STPG2: variants seen among roughly 807,000 people sequenced by gnomAD.
STPG2 encodes the protein sperm tail PG-rich repeat containing 2.
In STPG2, 56 loss-of-function variants were observed where a neutral mutation model predicts 54.2. The ratio of observed to expected loss-of-function variants is 1.03; its 90% CI spans 0.83 to 1.29. The LOEUF (loss-of-function observed/expected upper bound fraction) is 1.29. Ranked by LOEUF, STPG2 falls within the 50% of genes most tolerant of loss-of-function variation. STPG2 has a pLI of 0.00. For missense variants in STPG2, 596 were observed against 544.9 expected (o/e 1.09, Z -0.93); for synonymous variants, 200 against 181.8 (o/e 1.10, Z -0.81).
intron 4 of STPG2, among the ~76,000 whole-genome samples, chr4:97,487,391 T>C (rs929938000): frequency 1.3e-5 from 2 of 151,554 alleles, no homozygotes; most frequent in South Asian, 2.1e-4. Flanking sequence ...TTCAATCAAA[T>C]TGAACCTTTA....
chr4:98,112,134 A>G lies in STPG2; in HGVS notation c.388-2829T>C, dbSNP rs192612279. Among the ~76,000 whole-genome samples the G allele has an allele frequency of 4.2e-3, 644 of 152,224 alleles. 3 individuals carry two copies. The highest frequency in any genetic ancestry group is 0.025 in the South Asian group (120 of 4,822). On this transcript the variant is annotated intron_variant, in intron 3 of 10. Coordinates refer to ENST00000295268, the MANE Select transcript of STPG2 (RefSeq NM_174952.3). ...TCCCAGAATAAACCCCATCTCACAT[A>G]TATAGTTATGTACCACATAATGATG...
intron 9 of STPG2, among the ~76,000 whole-genome samples, chr4:97,768,571 T>C (rs931676078): frequency 6.6e-6 from 1 of 152,228 alleles, no homozygotes; most frequent in African/African-American, 2.4e-5. Context: ...TGCTTCTCCA[T>C]GTTCAAAACT....
intron 4 of STPG2, among the ~76,000 whole-genome samples, chr4:97,513,994 T>G (rs1731025773): frequency 6.6e-6 from 1 of 152,116 alleles, no homozygotes; most frequent in African/African-American, 2.4e-5. Flanking sequence ...AAACAATGCT[T>G]CAAAAACATG....
intron 8 of STPG2, among the ~76,000 whole-genome samples, chr4:97,902,766 C>T (rs190261146): frequency 6.6e-6 from 1 of 152,116 alleles, no homozygotes; most frequent in Non-Finnish European, 1.5e-5. Context: ...AATAGAACTA[C>T]TGTATGATCC....
chr4:98,025,026 A>G (rs1177591012), intron 5 of STPG2, among the ~76,000 whole-genome samples: 1 of 152,140 alleles, frequency 6.6e-6, no homozygotes, highest in Non-Finnish European at 1.5e-5. Context: ...AATTACCCCC[A>G]TCTGTATTCC....
intron 3 of STPG2, among the ~76,000 whole-genome samples, chr4:98,122,551 G>A (rs1203691679): frequency 6.6e-6 from 1 of 152,124 alleles, no homozygotes; most frequent in Non-Finnish European, 1.5e-5. Context: ...TGGTGGATAA[G>A]CTTTTTGATG....
chr4:97,523,638 C>T (rs1482770831), intron 4 of STPG2, among the ~76,000 whole-genome samples: 1 of 151,852 alleles, frequency 6.6e-6, no homozygotes, highest in African/African-American at 2.4e-5. Context: ...CTTGATTTTC[C>T]ACCAGATTCC....
intron 4 of STPG2, among the ~76,000 whole-genome samples, chr4:97,514,999 A>T (rs1334004581): frequency 1.3e-5 from 2 of 152,122 alleles, no homozygotes; most frequent in Non-Finnish European, 2.9e-5. Context: ...AATCAAGCTA[A>T]ATTCAAAATA....
intron 10 of STPG2, among the ~76,000 whole-genome samples, chr4:97,562,348 A>C (rs961798199): frequency 5.3e-5 from 8 of 152,238 alleles, no homozygotes; most frequent in South Asian, 2.1e-4. Flanking sequence ...TGGGCTGAGA[A>C]AATGGGGTTT....
chr4:97,938,352 CT>C (rs1335792020), intron 8 of STPG2, among the ~76,000 whole-genome samples: 1 of 152,154 alleles, frequency 6.6e-6, no homozygotes, highest in African/African-American at 2.4e-5. Context: ...CATCCCTCCC[CT>C]GGGAAGCTGA....
At chr4:97,509,590 G>A (rs1730927127) in intron 4 of STPG2, among the ~76,000 whole-genome samples, 1 of 151,954 alleles carries the variant, frequency 6.6e-6, no homozygotes, top group African/African-American at 2.4e-5. Context: ...TAAAAACAAA[G>A]CCTTTTTTTA....
chr4:97,549,310 A>G (rs1355935949), intron 4 of STPG2, among the ~76,000 whole-genome samples: 3 of 152,240 alleles, frequency 2.0e-5, no homozygotes, highest in African/African-American at 4.8e-5. Context: ...TTAAAACTAA[A>G]TGAGTGTTTA....
intron 10 of STPG2, among the ~76,000 whole-genome samples, chr4:97,689,411 TACTC>T (rs1723295236): frequency 2.6e-5 from 4 of 152,082 alleles, no homozygotes. Context: ...CTCTCTCTCT[TACTC>T]TCTCTTAACA....
intron 4 of STPG2, among the ~76,000 whole-genome samples, chr4:97,493,051 G>T (rs148578320): frequency 6.7e-6 from 1 of 150,220 alleles, no homozygotes; most frequent in Non-Finnish European, 1.5e-5. Flanking sequence ...GAAAACATCC[G>T]TTTTTCAGTT....
At chr4:97,901,835 A>G (rs1165947826) in intron 8 of STPG2, among the ~76,000 whole-genome samples, 1 of 152,068 alleles carries the variant, frequency 6.6e-6, no homozygotes, top group Non-Finnish European at 1.5e-5. Flanking sequence ...TGGAGCCACA[A>G]AAGACTCCAA....
chr4:97,577,821 TAACTA>T (rs1455579839), intron 10 of STPG2, among the ~76,000 whole-genome samples: 3 of 152,164 alleles, frequency 2.0e-5, no homozygotes, highest in African/African-American at 7.2e-5. Context: ...ATAAAGTACT[TAACTA>T]AACTATTTTA....
At chr4:97,610,690 A>AGCC (rs1733708551) in intron 10 of STPG2, among the ~76,000 whole-genome samples, 1 of 152,056 alleles carries the variant, frequency 6.6e-6, no homozygotes, top group Non-Finnish European at 1.5e-5. Flanking sequence ...TAAGTAGCAG[A>AGCC]GCCTTTTAGT....
intron 7 of STPG2, among the ~76,000 whole-genome samples, chr4:97,954,947 A>T (rs969811070): frequency 2.0e-5 from 3 of 152,206 alleles, no homozygotes; most frequent in African/African-American, 7.2e-5. Context: ...TTTTAAAACT[A>T]TGATTAATGT....
At chr4:97,509,946 C>A (rs1207450897) in intron 4 of STPG2, among the ~76,000 whole-genome samples, 5 of 151,828 alleles carry the variant, frequency 3.3e-5, no homozygotes, top group Admixed American at 6.6e-5. Flanking sequence ...TACTAAGCAC[C>A]CCCACCAACC....
Sources: allele counts gnomAD v4.1 joint callset (sites outside exome capture counted in the v4.1 genomes callset), GRCh38; gene constraint gnomAD v4.1.1; transcripts MANE v1.5; gene names NCBI Gene and HGNC (gene_info 2026-07-23, HGNC 2026-07-21).